ITGAE: variants seen among roughly 807,000 people sequenced by gnomAD.
ITGAE encodes integrin subunit alpha E, also known as integrin alpha-E.
In ITGAE, 99 loss-of-function variants were observed where a neutral mutation model predicts 136.5. That is an observed-to-expected ratio of 0.73 (90% CI 0.62 to 0.86). The LOEUF (loss-of-function observed/expected upper bound fraction) is 0.86, where lower values mean the gene tolerates loss of function less well. Ranked by LOEUF, ITGAE falls within the 40% of genes least tolerant of loss-of-function variation. The pLI is 0.00. For missense variants in ITGAE, 1,447 were observed against 1,515.3 expected, an observed-to-expected ratio of 0.95 and a Z score of 0.75; for synonymous variants, 613 against 591.8, an observed-to-expected ratio of 1.04 and a Z score of -0.52.
At chr17:3,785,665 G>A (rs529602624) in intron 1 of ITGAE, among the ~76,000 whole-genome samples, 63 of 152,086 alleles carry the variant, frequency 4.1e-4, no homozygotes, top group African/African-American at 1.3e-3. Context: ...AAGGAAGTAC[G>A]GGAAGGAATA....
Position 3,761,951 on chromosome 17 carries a change from C to T in ITGAE, c.279G>A (p.Arg93=), listed in dbSNP as rs1435997514. The part of the protein sequence containing the change: ...EHVPIPKGRH[R]GVTVVRSHHG... ...GGTGGCTCCGGACAACGGTCACTCC[C>T]CGGTGCCTCCCCTTGGGGATGGGGA... The change falls in exon 4 of 31, where the codon CGG becomes CGA. Residue 93 remains arginine, a synonymous_variant. Transcript: ENST00000263087. 1.2e-6 allele frequency: 2 copies of T among 1,613,882 alleles called. No individual in the cohort carries two copies. Among genetic ancestry groups the T allele is most frequent in the African/African-American group, 2.7e-5 (2 of 74,930 alleles).
chr17:3,729,278 T>G, intron 24 of ITGAE, 200 bp downstream of exon 24: 1 of 557,864 alleles, frequency 1.8e-6, no homozygotes, highest in Non-Finnish European at 3.3e-6. Context: ...ACACCTCCTT[T>G]GATGACCACA....
chr17:3,765,440 C>T lies in ITGAE; in HGVS notation c.156-1480G>A, dbSNP rs116699475. 8.6e-3 allele frequency among the ~76,000 whole-genome samples: 1,294 copies of T among 151,034 alleles called. 23 individuals are homozygous for T. The highest frequency in any genetic ancestry group is 0.03 in the African/African-American group (1,238 of 41,144). On this transcript the variant is annotated intron_variant, in intron 2 of 30. Transcript: ENST00000263087. ...AGGAAGGTGGGGCAGAAATGAGATA[C>T]CGTCTCCACTTCCTCAACTCCTATC...
chr17:3,775,695 C>T (rs1391247014), intron 2 of ITGAE, among the ~76,000 whole-genome samples: 1 of 151,606 alleles, frequency 6.6e-6, no homozygotes, highest in East Asian at 1.9e-4. Context: ...GTCTCGAATT[C>T]CTGACCTCAG....
rs1442646795 is a variant in ITGAE, at chr17:3,714,639, G to A, written c.*208C>T. The A allele has an allele frequency of 2.3e-6, 1 of 442,116 alleles. No individual in the cohort carries two copies. Among genetic ancestry groups the A allele is most frequent in the Non-Finnish European group, 4.0e-6 (1 of 252,058 alleles). 27.4% of individuals were successfully genotyped at this position (442,116 alleles called of 1,614,324 possible). On this transcript the variant is annotated 3_prime_UTR_variant, in exon 31 of 31. Transcript: ENST00000263087. ...ATTAAAGGCACTACTGCAAAGAAAA[G>A]TGTAAATTTATTTAATACCAAATGT...
intron 1 of ITGAE, among the ~76,000 whole-genome samples, chr17:3,792,552 G>A (rs2052968291): frequency 6.6e-6 from 1 of 152,160 alleles, no homozygotes; most frequent in Admixed American, 6.6e-5. Context: ...AGAACAGAAG[G>A]AAAATGATGG....
At chr17:3,748,228 G>C (rs561495724) in intron 16 of ITGAE, among the ~76,000 whole-genome samples, 176 bp from the exon 17 acceptor site, 2 of 152,304 alleles carry the variant, frequency 1.3e-5, no homozygotes, top group East Asian at 3.9e-4. Flanking sequence ...TGGGAAAGCA[G>C]ACAACAAGCA....
rs2052048757 is a variant in ITGAE, at chr17:3,757,192, A to T, written c.1021-58T>A. On this transcript the variant is annotated intron_variant, in intron 9 of 30. Coordinates refer to ENST00000263087, the MANE Select transcript of ITGAE (RefSeq NM_002208.5). ...CTGCGTGGATTCCCCAGGCCCAGGG[A>T]GAGAGCTGAGCCCCTCCATCTGGCC... The T allele has an allele frequency of 1.3e-5, 20 of 1,583,798 alleles. No homozygotes were observed. In the East Asian group the frequency reaches 4.5e-4, roughly 36 times the overall value.
chr17:3,725,482 A>G, intron 26 of ITGAE: 1 of 1,614,216 alleles, frequency 6.2e-7, no homozygotes, highest in Non-Finnish European at 8.5e-7. Flanking sequence ...ATTGCTATTG[A>G]AGGACCAGAT....
chr17:3,774,563 A>T (rs766088895), intron 2 of ITGAE, among the ~76,000 whole-genome samples: 25 of 152,182 alleles, frequency 1.6e-4, no homozygotes, highest in Non-Finnish European at 3.7e-4. Context: ...CAGGAGTTCA[A>T]GACCATCCTG....
chr17:3,751,905 A>G, intron 14 of ITGAE, 31 bp from the exon 15 acceptor site: 3 of 1,585,656 alleles, frequency 1.9e-6, no homozygotes, highest in Non-Finnish European at 2.6e-6. Context: ...TCAGCCCTCA[A>G]GAAGGGGTGC....
intron 19 of ITGAE, among the ~76,000 whole-genome samples, chr17:3,741,116 C>G (rs1308288914): frequency 1.5e-4 from 19 of 122,666 alleles, no homozygotes; most frequent in Non-Finnish European, 2.7e-4. Flanking sequence ...CTCGCTCTGT[C>G]GCCCAGGCTG....
chr17:3,737,799 G>A (rs542459935), intron 20 of ITGAE, among the ~76,000 whole-genome samples: 1 of 152,274 alleles, frequency 6.6e-6, no homozygotes, highest in South Asian at 2.1e-4. Flanking sequence ...AAAAACCACT[G>A]AGACAGCTGG....
intron 4 of ITGAE, 30 bp from the exon 5 acceptor site, chr17:3,761,550 AC>A: frequency 6.4e-7 from 1 of 1,567,100 alleles, no homozygotes; most frequent in Non-Finnish European, 8.7e-7. Context: ...GTGGGGAAAC[AC>A]CAGGTCACCT....
In ITGAE at chr17:3,761,076, C is replaced by T. The variant is rs768373543; in HGVS notation, c.535G>A (p.Ala179Thr). 18 of 1,611,384 alleles carry T rather than the reference C, an allele frequency of 1.1e-5. No homozygotes were observed. The highest frequency in any genetic ancestry group is 1.4e-5 in the Non-Finnish European group (17 of 1,180,016). ...DDVNTARQRR[A>T]LEKEEEEDKE... ...TCTTCCTCCTCCTCCTTCTCCAGAGCCCGGCGCTGCCTGGCTGTGTTCACA... is the reference window on the plus strand; with the variant it reads ...TCTTCCTCCTCCTCCTTCTCCAGAGTCCGGCGCTGCCTGGCTGTGTTCACA... Residue 179 changes from alanine (A) to threonine (T), a missense_variant, in exon 6 of 31, where the codon GCT becomes ACT. Physicochemically the swap from Ala to Thr is moderately conservative, Grantham distance 58. This residue lies in a region of ITGAE where 310 missense variants were observed against 416.1 expected (regional missense o/e 0.74). Coordinates refer to ENST00000263087, the MANE Select transcript of ITGAE (RefSeq NM_002208.5).
chr17:3,724,388 C>G, intron 26 of ITGAE: 2 of 1,609,900 alleles, frequency 1.2e-6, no homozygotes, highest in Non-Finnish European at 1.7e-6. Flanking sequence ...CGGACCTCAG[C>G]GTGTGCGGCC....
Position 3,747,977 on chromosome 17 carries a change from G to C in ITGAE, c.2100C>G (p.Val700=). Reference sequence around the variant, plus strand: ...TTTCAAAACATAAACGGACATTCACGACGCCGTTGAAGCCGATGGGCAGTG... The same window carrying C: ...TTTCAAAACATAAACGGACATTCACCACGCCGTTGAAGCCGATGGGCAGTG... ...PSALPIGFNG[V]VNVRLCFEIS... is the part of the protein sequence containing the mutation. The change falls in exon 17 of 31, where the codon GTC becomes GTG. Residue 700 remains valine (V), a synonymous_variant. Transcript: ENST00000263087. 1 of 1,613,184 alleles carries C rather than the reference G, an allele frequency of 6.2e-7. No homozygotes were observed. The highest frequency in any genetic ancestry group is 1.1e-5 in the South Asian group (1 of 91,054).
intron 1 of ITGAE, among the ~76,000 whole-genome samples, chr17:3,785,151 A>G (rs2052753678): frequency 6.6e-6 from 1 of 151,054 alleles, no homozygotes; most frequent in Non-Finnish European, 1.5e-5. Flanking sequence ...GACCCCATGT[A>G]AAAAAAAGAA....
chr17:3,801,028 G>C, intron 1 of ITGAE, 83 bp downstream of exon 1: 1 of 1,480,120 alleles, frequency 6.8e-7, no homozygotes. Flanking sequence ...ATCAGAGACA[G>C]ACAGTCAAGG....
Sources: gnomAD v4.1 joint callset for allele counts (sites outside exome capture counted in the v4.1 genomes callset) on GRCh38, gnomAD v4.1.1 for gene constraint, gnomAD v4.1.1 regional missense constraint, MANE v1.5 for transcripts, NCBI Gene and HGNC (gene_info 2026-07-23, HGNC 2026-07-21) for gene names.